The following RXFP2 variants were observed in gnomAD, a reference collection of about 807,000 sequenced individuals.
The protein encoded by RXFP2 is relaxin receptor 2.
Under a neutral mutation model 88.6 loss-of-function variants are expected in RXFP2, and 68 were observed. The ratio of observed to expected loss-of-function variants is 0.77; its 90% CI spans 0.63 to 0.94. The LOEUF (loss-of-function observed/expected upper bound fraction) is 0.94. RXFP2 is among the 40% of genes least tolerant of loss of function. RXFP2 has a pLI of 0.00. For synonymous variants in RXFP2, 329 were observed against 306.8 expected, an observed-to-expected ratio of 1.07 and a Z score of -0.76; for missense variants, 791 against 893.9, an observed-to-expected ratio of 0.88 and a Z score of 1.47.
intron 5 of RXFP2, among the ~76,000 whole-genome samples, chr13:31,769,292 C>A (rs1872654601): frequency 6.6e-6 from 1 of 152,064 alleles, no homozygotes; most frequent in Non-Finnish European, 1.5e-5. Flanking sequence ...TCCACATTAC[C>A]ACTGCTCAAG....
At chr13:31,789,009 A>G (rs192582091) in intron 13 of RXFP2, 113 bp from the exon 14 acceptor site, 17 of 748,522 alleles carry the variant, frequency 2.3e-5, no homozygotes, top group Non-Finnish European at 4.0e-5. Context: ...TTTCATTCTA[A>G]TCTGCATTGG....
chr13:31,789,554 G>A (rs1313208392), intron 14 of RXFP2, among the ~76,000 whole-genome samples: 1 of 152,202 alleles, frequency 6.6e-6, no homozygotes, highest in African/African-American at 2.4e-5. Flanking sequence ...TAAGATTTGA[G>A]CCCTTAGGAA....
chr13:31,763,250 A>G (rs1438035129), intron 3 of RXFP2, among the ~76,000 whole-genome samples: 1 of 152,012 alleles, frequency 6.6e-6, no homozygotes, highest in Non-Finnish European at 1.5e-5. Context: ...ATGCCTGGCT[A>G]ATTTTCATAT....
rs1428018014 is a variant in RXFP2, at chr13:31,761,706, T to A, written c.242-18T>A. 1.3e-6 allele frequency: 2 copies of A among 1,565,066 alleles called. No individual in the cohort carries two copies. Among genetic ancestry groups the A allele is most frequent in the East Asian group, 4.5e-5 (2 of 44,574 alleles). ...TAGTTTCTAGAATAAGTGACACATC[T>A]CAATCACTATTTCACAGGTGACACT... On this transcript the variant is annotated intron_variant, in intron 2 of 17. Transcript: ENST00000298386.
chr13:31,793,805 C>T (rs1326662647), intron 16 of RXFP2, among the ~76,000 whole-genome samples: 1 of 152,222 alleles, frequency 6.6e-6, no homozygotes, highest in East Asian at 1.9e-4. Flanking sequence ...TCTTCCCATC[C>T]AAGGAGCCAA....
At chr13:31,761,932 A>G in intron 3 of RXFP2, 131 bp downstream of exon 3, 1 of 664,486 alleles carries the variant, frequency 1.5e-6, no homozygotes, top group Non-Finnish European at 2.8e-6. Context: ...TCACTGGCTA[A>G]CAGGTCTGCT....
intron 9 of RXFP2, among the ~76,000 whole-genome samples, chr13:31,780,944 G>A (rs1873238183): frequency 6.6e-6 from 1 of 152,224 alleles, no homozygotes; most frequent in Non-Finnish European, 1.5e-5. Flanking sequence ...AGGCAGCGCT[G>A]AGGTTGCATC....
At chr13:31,760,186 T>C (rs1872238165) in intron 2 of RXFP2, among the ~76,000 whole-genome samples, 1 of 152,132 alleles carries the variant, frequency 6.6e-6, no homozygotes, top group African/African-American at 2.4e-5. Flanking sequence ...CCTCCTGGGT[T>C]CAAGTGATTC....
At chr13:31,758,459 C>T (rs150881244) in intron 2 of RXFP2, 55 bp downstream of exon 2, 2 of 1,592,718 alleles carry the variant, frequency 1.3e-6, no homozygotes, top group Non-Finnish European at 1.7e-6. Context: ...CACCCCAAAA[C>T]TGTGGGTCGG....
chr13:31,777,426 G>C lies in RXFP2; in HGVS notation c.692G>C (p.Gly231Ala), dbSNP rs1873041777. The C allele has an allele frequency of 1.9e-6, 3 of 1,611,076 alleles. No homozygotes were observed. In the Admixed American group the frequency reaches 5.0e-5, roughly 27 times the overall value. ...AGAATTTCACAGCGCTTGTTTACGGGATTAAATTCCTTGTTTTTCCTGTAA... is the reference window on the plus strand; with the variant it reads ...AGAATTTCACAGCGCTTGTTTACGGCATTAAATTCCTTGTTTTTCCTGTAA... ...ITRISQRLFT[G>A]LNSLFFLSMV... The change falls in exon 8 of 18, where the codon GGA becomes GCA. Residue 231 changes from glycine (G) to alanine (A), a missense_variant. By Grantham distance (60) the Gly-to-Ala change is moderately conservative. Transcript: ENST00000298386.
At chr13:31,775,443 A>G (rs2138430186) in intron 7 of RXFP2, 54 bp downstream of exon 7, 2 of 1,238,884 alleles carry the variant, frequency 1.6e-6, no homozygotes, top group South Asian at 2.4e-5. Flanking sequence ...TTGATGATAT[A>G]TAACAGTGCT....
At chr13:31,783,979 G>A (rs1371725519) in intron 11 of RXFP2, among the ~76,000 whole-genome samples, 1 of 55,376 alleles carries the variant, frequency 1.8e-5, no homozygotes, top group Non-Finnish European at 3.7e-5. Flanking sequence ...ACCATGCCTG[G>A]CTAATTTTTT....
At chr13:31,762,573 T>C (rs1872350128) in intron 3 of RXFP2, among the ~76,000 whole-genome samples, 1 of 152,110 alleles carries the variant, frequency 6.6e-6, no homozygotes. Context: ...TGTGTGTGTA[T>C]ATGTAGAGAC....
chr13:31,775,495 G>T, intron 7 of RXFP2, 106 bp downstream of exon 7: 1 of 870,492 alleles, frequency 1.1e-6, no homozygotes. Context: ...TTTTATACTT[G>T]CTTTTCTGAT....
intron 7 of RXFP2, among the ~76,000 whole-genome samples, chr13:31,776,981 T>C (rs2138433411): frequency 6.6e-6 from 1 of 152,300 alleles, no homozygotes; most frequent in African/African-American, 2.4e-5. Context: ...CCTCTGTGAT[T>C]TCCTAAAAAT....
intron 3 of RXFP2, among the ~76,000 whole-genome samples, chr13:31,762,407 G>T (rs1872341821): frequency 6.6e-6 from 1 of 152,224 alleles, no homozygotes; most frequent in Non-Finnish European, 1.5e-5. Flanking sequence ...GGGGTCAGAA[G>T]ATGCGCAGCA....
intron 5 of RXFP2, among the ~76,000 whole-genome samples, chr13:31,768,677 A>G: frequency 6.6e-6 from 1 of 152,132 alleles, no homozygotes; most frequent in Admixed American, 6.6e-5. Flanking sequence ...TTTGAAAATA[A>G]CTCAAGTTCT....
chr13:31,795,685 C>G lies in RXFP2; in HGVS notation c.1787-1516C>G, dbSNP rs549450410. On this transcript the variant is annotated intron_variant, in intron 16 of 17. Coordinates refer to ENST00000298386, the MANE Select transcript of RXFP2 (RefSeq NM_130806.5). ...GAATTTAAAGTATTTTTACCCTAGA[C>G]TTCACCAATCTTACATACAGTCTAG... Among the ~76,000 whole-genome samples the G allele has an allele frequency of 3.3e-3, 504 of 152,284 alleles. 6 individuals are homozygous for G. The highest frequency in any genetic ancestry group is 0.011 in the African/African-American group (460 of 41,542).
chr13:31,797,183 G>A lies in RXFP2; in HGVS notation c.1787-18G>A, dbSNP rs767714328. ...GACTTTTACGCCTGAGATGTTAAAA[G>A]TGTGCTTTTCCCAACAGGTGTGAAC... On this transcript the variant is annotated intron_variant, in intron 16 of 17. Transcript: ENST00000298386. 2 of 1,545,232 alleles carry A rather than the reference G, an allele frequency of 1.3e-6. No homozygotes were observed. Among genetic ancestry groups the A allele is most frequent in the Non-Finnish European group, 1.8e-6 (2 of 1,117,208 alleles).
Sources: gnomAD v4.1 joint callset for allele counts (sites outside exome capture counted in the v4.1 genomes callset) on GRCh38, gnomAD v4.1.1 for gene constraint, MANE v1.5 for transcripts, NCBI Gene and HGNC (gene_info 2026-07-23, HGNC 2026-07-21) for gene names.